CALCRL: variants seen among roughly 807,000 people sequenced by gnomAD.
The protein encoded by CALCRL is calcitonin gene-related peptide type 1 receptor.
In CALCRL, 27 loss-of-function variants were observed where a neutral mutation model predicts 60.4. That is an observed-to-expected ratio of 0.45 (90% CI 0.33 to 0.62). CALCRL has a LOEUF of 0.62. Among genes scored for constraint, CALCRL ranks in the 20% least tolerant of loss-of-function variants. The pLI, the probability that CALCRL is intolerant of heterozygous loss-of-function variation, is 0.03. For missense variants in CALCRL, 424 were observed against 540.7 expected (o/e 0.78, Z 2.14); for synonymous variants, 190 against 182.6 (o/e 1.04, Z -0.33).
intron 1 of CALCRL, among the ~76,000 whole-genome samples, chr2:187,389,529 A>G (rs1482864398): frequency 6.6e-6 from 1 of 152,204 alleles, no homozygotes; most frequent in Non-Finnish European, 1.5e-5. Context: ...TTTTCCATCT[A>G]GAACTTAAAG....
At chr2:187,372,691 T>C (rs551298710) in intron 8 of CALCRL, among the ~76,000 whole-genome samples, 88 of 152,248 alleles carry the variant, frequency 5.8e-4, no homozygotes, top group Non-Finnish European at 1.1e-3. Flanking sequence ...GAAAAAAGTT[T>C]CCCATACCGA....
intron 6 of CALCRL, 41 bp downstream of exon 6, chr2:187,380,636 A>G (rs1171691043): frequency 6.3e-7 from 1 of 1,586,558 alleles, no homozygotes; most frequent in Non-Finnish European, 8.7e-7. Context: ...GATTTATTAA[A>G]TAGATGTCAA....
intron 1 of CALCRL, among the ~76,000 whole-genome samples, chr2:187,443,217 G>C (rs1477677059): frequency 2.0e-5 from 3 of 151,734 alleles, no homozygotes; most frequent in African/African-American, 4.8e-5. Flanking sequence ...CTTACAGATA[G>C]ATTGCATTCT....
Position 187,344,035 on chromosome 2 carries a change from A to G in CALCRL, c.*2149T>C, listed in dbSNP as rs1686187513. 2.0e-5 allele frequency: 3 copies of G among 151,620 alleles called. No homozygotes were observed. Among genetic ancestry groups the G allele is most frequent in the East Asian group, 3.9e-4 (2 of 5,194 alleles). 9.4% of individuals were successfully genotyped at this position (151,620 alleles called of 1,614,324 possible). On this transcript the variant is annotated 3_prime_UTR_variant, in exon 15 of 15. Coordinates refer to ENST00000392370, the MANE Select transcript of CALCRL (RefSeq NM_005795.6). ...TTTTTTACTGTCACTTCTACTGTCA[A>G]GATGGTTGAGAGTTGACAGTTTGTC...
intron 10 of CALCRL, among the ~76,000 whole-genome samples, chr2:187,359,653 A>T (rs1021514413): frequency 7.2e-5 from 11 of 152,222 alleles, no homozygotes; most frequent in African/African-American, 2.6e-4. Context: ...ATGTGGAAAA[A>T]AGTTGAGAAT....
At chr2:187,424,114 T>C (rs751877716) in intron 1 of CALCRL, among the ~76,000 whole-genome samples, 1 of 152,064 alleles carries the variant, frequency 6.6e-6, no homozygotes, top group African/African-American at 2.4e-5. Flanking sequence ...CATCTGGAGA[T>C]AGGTGTCATA....
intron 1 of CALCRL, among the ~76,000 whole-genome samples, chr2:187,400,182 GA>G (rs1438712590): frequency 6.6e-6 from 1 of 151,360 alleles, no homozygotes; most frequent in East Asian, 1.9e-4. Flanking sequence ...TGTATGTATT[GA>G]AATATCACCC....
chr2:187,425,593 A>G (rs934519003), intron 1 of CALCRL, among the ~76,000 whole-genome samples: 3 of 152,020 alleles, frequency 2.0e-5, no homozygotes, highest in African/African-American at 4.8e-5. Context: ...TGCATTGTAC[A>G]ATGAAAAGCA....
intron 1 of CALCRL, among the ~76,000 whole-genome samples, chr2:187,414,202 C>A (rs2105855162): frequency 6.6e-6 from 1 of 151,976 alleles, no homozygotes. Context: ...TATTTATGTA[C>A]ATATTTTATT....
At chr2:187,419,612 A>G (rs1478731350) in intron 1 of CALCRL, among the ~76,000 whole-genome samples, 1 of 152,242 alleles carries the variant, frequency 6.6e-6, no homozygotes, top group African/African-American at 2.4e-5. Flanking sequence ...CGAAAATTTT[A>G]TAAGTGGAAT....
At chr2:187,439,377 C>A (rs1690790917) in intron 1 of CALCRL, among the ~76,000 whole-genome samples, 1 of 151,884 alleles carries the variant, frequency 6.6e-6, no homozygotes, top group African/African-American at 2.4e-5. Flanking sequence ...TTGCTCACAC[C>A]CAGGAGACAG....
In CALCRL at chr2:187,343,137, T is replaced by A. The variant is rs2105669753; in HGVS notation, c.*3047A>T. On this transcript the variant is annotated 3_prime_UTR_variant, in exon 15 of 15. Coordinates refer to ENST00000392370, the MANE Select transcript of CALCRL (RefSeq NM_005795.6). ...TCATGACTTTTTCTTAATTGGTTTA[T>A]TGAATTCATTTACTGGTTTACTGAA... The A allele has an allele frequency of 6.6e-6, 1 of 151,532 alleles. No homozygotes were observed. The highest frequency in any genetic ancestry group is 1.5e-5 in the Non-Finnish European group (1 of 67,512). 9.4% of individuals were successfully genotyped at this position (151,532 alleles called of 1,614,324 possible).
chr2:187,424,735 A>G (rs1041204392), intron 1 of CALCRL, among the ~76,000 whole-genome samples: 1 of 152,012 alleles, frequency 6.6e-6, no homozygotes, highest in Non-Finnish European at 1.5e-5. Flanking sequence ...ATAGGTATAA[A>G]TGAATTGTGG....
chr2:187,428,567 T>C (rs182643082), intron 1 of CALCRL: 1 of 152,288 alleles, frequency 6.6e-6, no homozygotes, highest in East Asian at 1.9e-4. Flanking sequence ...AAGATGATCA[T>C]TCATAAAATT....
intron 10 of CALCRL, 53 bp from the exon 11 acceptor site, chr2:187,359,325 A>G: frequency 7.7e-7 from 1 of 1,295,662 alleles, no homozygotes; most frequent in Non-Finnish European, 1.1e-6. Flanking sequence ...TACAGATGGT[A>G]TTTCAAAAAT....
chr2:187,415,998 G>A (rs1429590026), intron 1 of CALCRL, among the ~76,000 whole-genome samples: 1 of 152,068 alleles, frequency 6.6e-6, no homozygotes, highest in African/African-American at 2.4e-5. Flanking sequence ...GAGGGGCCTA[G>A]GGAGCCTGAC....
At chr2:187,445,418 G>C (rs968285367) in intron 1 of CALCRL, among the ~76,000 whole-genome samples, 35 of 151,696 alleles carry the variant, frequency 2.3e-4, no homozygotes, top group East Asian at 1.9e-4. Flanking sequence ...GTCATATATA[G>C]AGTATGAAAT....
At chr2:187,432,178 A>T (rs1308404576) in intron 1 of CALCRL, among the ~76,000 whole-genome samples, 1 of 152,140 alleles carries the variant, frequency 6.6e-6, no homozygotes, top group Non-Finnish European at 1.5e-5. Context: ...TGTTACTAAC[A>T]AGTTAAATTC....
At chr2:187,383,498 A>G (rs1210648304) in intron 4 of CALCRL, among the ~76,000 whole-genome samples, 193 bp from the exon 5 acceptor site, 1 of 152,100 alleles carries the variant, frequency 6.6e-6, no homozygotes, top group Non-Finnish European at 1.5e-5. Context: ...ACCATGTCCA[A>G]TTTCAAAACA....
Sources: gnomAD v4.1 joint callset for allele counts (sites outside exome capture counted in the v4.1 genomes callset) on GRCh38, gnomAD v4.1.1 for gene constraint, MANE v1.5 for transcripts, NCBI Gene and HGNC (gene_info 2026-07-23, HGNC 2026-07-21) for gene names.